The following HMCN1 variants were observed in gnomAD, a reference collection of about 807,000 sequenced individuals.
HMCN1 encodes the protein hemicentin 1, also known as hemicentin-1.
Under a neutral mutation model 625.9 loss-of-function variants are expected in HMCN1, and 321 were observed. The observed-to-expected ratio is 0.51, with a 90% CI of 0.47 to 0.56. The LOEUF (loss-of-function observed/expected upper bound fraction) is 0.56, where lower values mean the gene tolerates loss of function less well. Ranked by LOEUF, HMCN1 falls within the 20% of genes least tolerant of loss-of-function variation. The pLI is 0.00. For synonymous variants in HMCN1, 2,425 were observed against 2,417.6 expected (o/e 1.00, Z -0.09); for missense variants, 6,588 against 6,887.3 (o/e 0.96, Z 1.54).
At chr1:185,928,472 G>A in intron 9 of HMCN1, 74 bp from the exon 10 acceptor site, 1 of 1,257,782 alleles carries the variant, frequency 8.0e-7, no homozygotes, top group Non-Finnish European at 1.2e-6. Context: ...ACCTTCAAAA[G>A]AAATAGTTAA....
At chr1:186,186,992 TCTCACACACACACA>T (rs1334482709) in intron 105 of HMCN1, among the ~76,000 whole-genome samples, 95 of 95,488 alleles carry the variant, frequency 9.9e-4, no homozygotes, top group African/African-American at 4.0e-3. Context: ...TCTGTCTCTG[TCTCACACACACACA>T]CACACACACA....
intron 4 of HMCN1, among the ~76,000 whole-genome samples, chr1:185,882,590 T>G (rs1344204047): frequency 6.6e-6 from 1 of 152,108 alleles, no homozygotes; most frequent in Non-Finnish European, 1.5e-5. Flanking sequence ...TTCATTTATG[T>G]AAAGCTGTAA....
In HMCN1 at chr1:185,977,904, A is replaced by G. The variant is rs1316220022; in HGVS notation, c.2489A>G (p.Asp830Gly). ...CCAACAATCAAATGGCGAAGATTAG[A>G]CAACATGCCAATTTTCTCAAGACCT... ...PEPTIKWRRL[D>G]NMPIFSRPFS... The change falls in exon 16 of 107, where the codon GAC becomes GGC. Residue 830 changes from aspartate (D) to glycine (G), a missense_variant. Physicochemically the swap from Asp to Gly is moderately conservative, Grantham distance 94. Coordinates refer to ENST00000271588, the MANE Select transcript of HMCN1 (RefSeq NM_031935.3). 1 of 1,613,430 alleles carries G rather than the reference A, an allele frequency of 6.2e-7. No individual in the cohort carries two copies. Among genetic ancestry groups the G allele is most frequent in the South Asian group, 1.1e-5 (1 of 91,072 alleles).
chr1:185,971,040 CTG>C (rs1650787883), intron 15 of HMCN1, among the ~76,000 whole-genome samples: 1 of 152,104 alleles, frequency 6.6e-6, no homozygotes, highest in Admixed American at 6.6e-5. Context: ...GATAAGGAAA[CTG>C]AGGCTTATAA....
chr1:186,033,059 C>T (rs1655571538), intron 36 of HMCN1, among the ~76,000 whole-genome samples: 2 of 142,612 alleles, frequency 1.4e-5, no homozygotes, highest in Non-Finnish European at 3.0e-5. Context: ...GTGATATACA[C>T]ACACGCACAC....
At chr1:186,105,786 A>G (rs7527490) in intron 69 of HMCN1, among the ~76,000 whole-genome samples, 96,011 of 152,138 alleles carry the variant, frequency 0.63, 32,042 homozygotes, top group African/African-American at 0.86. Flanking sequence ...ATTTAAGAAT[A>G]GTCCTGAATG....
At chr1:185,858,404 C>T (rs919458807) in intron 2 of HMCN1, among the ~76,000 whole-genome samples, 8 of 151,398 alleles carry the variant, frequency 5.3e-5, no homozygotes, top group African/African-American at 1.5e-4. Flanking sequence ...CTGCGGCAGA[C>T]GTTTAAAGGA....
chr1:185,810,270 A>G (rs1489462525), intron 1 of HMCN1, among the ~76,000 whole-genome samples: 1 of 152,134 alleles, frequency 6.6e-6, no homozygotes, highest in African/African-American at 2.4e-5. Context: ...TTATAGCTAA[A>G]TTTAGTTTCC....
chr1:185,750,155 G>C (rs1654699223), intron 1 of HMCN1, among the ~76,000 whole-genome samples: 1 of 152,086 alleles, frequency 6.6e-6, no homozygotes, highest in Non-Finnish European at 1.5e-5. Context: ...ATGAGGGCAG[G>C]AACTTAATTT....
At chr1:185,900,329 A>T (rs1665732066) in intron 4 of HMCN1, among the ~76,000 whole-genome samples, 1 of 152,050 alleles carries the variant, frequency 6.6e-6, no homozygotes, top group Admixed American at 6.6e-5. Context: ...ATATCTGGCA[A>T]CTGCTGAATA....
At chr1:185,810,878 T>A (rs1401219117) in intron 1 of HMCN1, among the ~76,000 whole-genome samples, 1 of 152,136 alleles carries the variant, frequency 6.6e-6, no homozygotes, top group African/African-American at 2.4e-5. Context: ...ATAAAAAAAA[T>A]TCAGACATTT....
At chr1:186,015,935 A>T in intron 31 of HMCN1, 23 bp from the exon 32 acceptor site, 5 of 1,606,000 alleles carry the variant, frequency 3.1e-6, no homozygotes, top group Non-Finnish European at 4.3e-6. Context: ...AATTGCCTGA[A>T]ATATTGCTAT....
At chr1:185,963,649 C>T (rs1269028432) in intron 12 of HMCN1, 119 bp from the exon 13 acceptor site, 24 of 738,276 alleles carry the variant, frequency 3.3e-5, no homozygotes, top group South Asian at 1.1e-4. Context: ...TTTCTGCAAT[C>T]GACACCAAAA....
At chr1:186,164,990 T>G (rs1265217966) in intron 97 of HMCN1, 121 bp from the exon 98 acceptor site, 2 of 844,388 alleles carry the variant, frequency 2.4e-6, no homozygotes, top group East Asian at 5.0e-5. Flanking sequence ...TTTTCACCTA[T>G]TGCATTTTTG....
chr1:185,876,249 C>G (rs1339606319), intron 4 of HMCN1, among the ~76,000 whole-genome samples: 1 of 152,036 alleles, frequency 6.6e-6, no homozygotes, highest in Non-Finnish European at 1.5e-5. Flanking sequence ...TGATTTCACT[C>G]TTTTTTTATA....
chr1:185,752,468 G>A (rs926731463), intron 1 of HMCN1, among the ~76,000 whole-genome samples: 2 of 151,948 alleles, frequency 1.3e-5, no homozygotes, highest in Non-Finnish European at 2.9e-5. Context: ...TTTTATTTTG[G>A]GCGTTGGAAT....
intron 1 of HMCN1, among the ~76,000 whole-genome samples, chr1:185,827,081 A>C (rs1416430793): frequency 6.6e-6 from 1 of 150,938 alleles, no homozygotes; most frequent in Non-Finnish European, 1.5e-5. Context: ...CTGAGGCAGG[A>C]GAATGGCATG....
chr1:186,038,256 T>G (rs1014494330), intron 37 of HMCN1, among the ~76,000 whole-genome samples: 1 of 152,198 alleles, frequency 6.6e-6, no homozygotes, highest in Non-Finnish European at 1.5e-5. Context: ...TAGAAATATA[T>G]GAATACCTTA....
chr1:185,877,336 T>C (rs1402885889), intron 4 of HMCN1, among the ~76,000 whole-genome samples: 1 of 139,492 alleles, frequency 7.2e-6, no homozygotes, highest in Admixed American at 7.1e-5. Flanking sequence ...TTTTTTTTTT[T>C]TTTTTTTTTT....
Sources: allele counts gnomAD v4.1 joint callset (sites outside exome capture counted in the v4.1 genomes callset), GRCh38; gene constraint gnomAD v4.1.1; transcripts MANE v1.5; gene names NCBI Gene and HGNC (gene_info 2026-07-23, HGNC 2026-07-21).